The following SGMS1 variants were observed in gnomAD, a reference collection of about 807,000 sequenced individuals.
SGMS1 encodes phosphatidylcholine:ceramide cholinephosphotransferase 1.
Under a neutral mutation model 46.2 loss-of-function variants are expected in SGMS1, and 13 were observed. That is an observed-to-expected ratio of 0.28 (90% CI 0.18 to 0.45). The LOEUF is 0.45. Among genes scored for constraint, SGMS1 ranks in the 20% least tolerant of loss-of-function variants. The pLI, the probability that SGMS1 is intolerant of heterozygous loss-of-function variation, is 1.00. For missense variants in SGMS1, 324 were observed against 519.9 expected (o/e 0.62, Z 3.66); for synonymous variants, 203 against 187.8 (o/e 1.08, Z -0.66).
chr10:50,546,701 A>G (rs1331253115), intron 2 of SGMS1, among the ~76,000 whole-genome samples: 3 of 152,308 alleles, frequency 2.0e-5, no homozygotes, highest in South Asian at 4.1e-4. Flanking sequence ...GAAGGGGACC[A>G]TCACACACCA....
At chr10:50,411,333 C>T (rs1419398413) in intron 6 of SGMS1, among the ~76,000 whole-genome samples, 3 of 152,110 alleles carry the variant, frequency 2.0e-5, no homozygotes, top group African/African-American at 4.8e-5. Context: ...TCTGTTTGTT[C>T]CTTTATGTCT....
chr10:50,350,031 G>A (rs1361148812), intron 6 of SGMS1, among the ~76,000 whole-genome samples: 3 of 152,192 alleles, frequency 2.0e-5, no homozygotes, highest in African/African-American at 7.2e-5. Flanking sequence ...GGAAAGTTTG[G>A]AACTTCCTAG....
chr10:50,608,683 C>T (rs1464879079), intron 1 of SGMS1, among the ~76,000 whole-genome samples: 1 of 152,106 alleles, frequency 6.6e-6, no homozygotes, highest in Non-Finnish European at 1.5e-5. Context: ...AAGATGTAGC[C>T]TAATAACAAG....
At chr10:50,624,262 G>A, upstream of SGMS1, 1 of 372,322 alleles carries the variant, frequency 2.7e-6, no homozygotes, top group Non-Finnish European at 3.7e-6. Flanking sequence ...CTTGGGGCAG[G>A]GCCGGAGACG....
chr10:50,530,730 C>T (rs1248043221), intron 2 of SGMS1, among the ~76,000 whole-genome samples: 2 of 152,066 alleles, frequency 1.3e-5, no homozygotes, highest in African/African-American at 4.8e-5. Context: ...AGCAATGCTC[C>T]CGCCTCGGCC....
intron 8 of SGMS1, 129 bp from the exon 9 acceptor site, chr10:50,311,544 GC>G: frequency 2.1e-6 from 1 of 476,952 alleles, no homozygotes; most frequent in Non-Finnish European, 3.0e-6. Flanking sequence ...CAGGAAGTTT[GC>G]CCACTCAGTG....
intron 7 of SGMS1, among the ~76,000 whole-genome samples, chr10:50,331,561 G>A (rs1032970513): frequency 1.4e-4 from 22 of 152,080 alleles, no homozygotes; most frequent in African/African-American, 5.3e-4. Flanking sequence ...AGTTAGATTT[G>A]CTTATTACCA....
At chr10:50,594,195 A>G (rs10508931) in intron 1 of SGMS1, among the ~76,000 whole-genome samples, 19,697 of 152,282 alleles carry the variant, frequency 0.13, 1,662 homozygotes, top group Non-Finnish European at 0.19. Flanking sequence ...ACTCCAAAGC[A>G]GTGACCTAGA....
intron 3 of SGMS1, among the ~76,000 whole-genome samples, chr10:50,488,806 A>G (rs1837544574): frequency 1.3e-5 from 2 of 152,184 alleles, no homozygotes; most frequent in South Asian, 4.1e-4. Context: ...CTCAATTTGT[A>G]CCAGGATAAT....
intron 3 of SGMS1, among the ~76,000 whole-genome samples, chr10:50,516,316 A>G (rs1376348666): frequency 6.6e-6 from 1 of 152,196 alleles, no homozygotes; most frequent in African/African-American, 2.4e-5. Context: ...AAGAACATGG[A>G]GCTTACAGAG....
chr10:50,609,284 T>G (rs1838725471), intron 1 of SGMS1, among the ~76,000 whole-genome samples: 1 of 152,224 alleles, frequency 6.6e-6, no homozygotes, highest in Admixed American at 6.5e-5. Context: ...TTTTTTTTAT[T>G]GCATTGTTAT....
At chr10:50,318,181 A>T (rs1353424202) in intron 8 of SGMS1, among the ~76,000 whole-genome samples, 1 of 152,182 alleles carries the variant, frequency 6.6e-6, no homozygotes, top group East Asian at 1.9e-4. Flanking sequence ...TAAACAAAGC[A>T]TTCCCAATTG....
chr10:50,554,307 C>G (rs1838172678), intron 2 of SGMS1, among the ~76,000 whole-genome samples: 1 of 152,174 alleles, frequency 6.6e-6, no homozygotes, highest in African/African-American at 2.4e-5. Context: ...GTCTGTCAGT[C>G]AGGGAAAGAC....
chr10:50,347,441 A>C (rs1221013390), intron 6 of SGMS1, among the ~76,000 whole-genome samples: 1 of 152,196 alleles, frequency 6.6e-6, no homozygotes, highest in Admixed American at 6.5e-5. Context: ...ACCGTAAAGA[A>C]TTTCAATTGC....
At chr10:50,417,058 T>C (rs1849180731) in intron 6 of SGMS1, among the ~76,000 whole-genome samples, 1 of 152,192 alleles carries the variant, frequency 6.6e-6, no homozygotes. Context: ...CACCATCCTT[T>C]ATGTTACTGG....
intron 5 of SGMS1, among the ~76,000 whole-genome samples, chr10:50,438,422 G>A (rs184261700): frequency 4.0e-4 from 61 of 152,282 alleles, no homozygotes; most frequent in African/African-American, 1.4e-3. Context: ...AGAAACCAAG[G>A]CTCTAGTTAG....
At chr10:50,309,819 C>G (rs1847228390) in intron 9 of SGMS1, among the ~76,000 whole-genome samples, 1 of 152,176 alleles carries the variant, frequency 6.6e-6, no homozygotes, top group South Asian at 2.1e-4. Context: ...AGTCCACTAC[C>G]TGTTTTCTCT....
chr10:50,498,405 C>T (rs1447703572), intron 3 of SGMS1, among the ~76,000 whole-genome samples: 2 of 152,008 alleles, frequency 1.3e-5, no homozygotes, highest in African/African-American at 2.4e-5. Context: ...TGTTGTGTAA[C>T]CATCACCACC....
At chr10:50,386,584 A>G (rs562880048) in intron 6 of SGMS1, among the ~76,000 whole-genome samples, 109 of 152,076 alleles carry the variant, frequency 7.2e-4, no homozygotes, top group South Asian at 2.1e-3. Context: ...GAACAAACCA[A>G]TGTGACAGAT....
Sources: gnomAD v4.1 joint callset for allele counts (sites outside exome capture counted in the v4.1 genomes callset) on GRCh38, gnomAD v4.1.1 for gene constraint, MANE v1.5 for transcripts, NCBI Gene and HGNC (gene_info 2026-07-23, HGNC 2026-07-21) for gene names.